Variants in LINC00632 observed in about 807,000 individuals in gnomAD.
The protein encoded by LINC00632 is ALDOA related specific transcript.
At chrX:140,719,488 T>G (rs1035017865) in intron 2 of LINC00632, among the ~76,000 whole-genome samples, 3 of 109,405 alleles carry the variant, frequency 2.7e-5, no homozygotes, top group African/African-American at 1.0e-4. Context: ...TAGTAGAGAC[T>G]AGGTTTCATT....
chrX:140,753,520 G>A (rs1467737804), intron 3 of LINC00632, among the ~76,000 whole-genome samples: 2 of 110,662 alleles, frequency 1.8e-5, no homozygotes, highest in Non-Finnish European at 3.8e-5. Flanking sequence ...GTCTAGTACC[G>A]AGGATGTGCT....
chrX:140,773,651 T>C (rs1180206999), exon 4 of LINC00632, among the ~76,000 whole-genome samples: 1 of 112,040 alleles, frequency 8.9e-6, no homozygotes, highest in Admixed American at 9.5e-5. Context: ...TTAAATAACA[T>C]TTAAATGAAA....
exon 4 of LINC00632, chrX:140,772,127 T>C (rs1257644757): frequency 1.7e-5 from 5 of 293,186 alleles, no homozygotes; most frequent in Non-Finnish European, 3.0e-5. Flanking sequence ...ACTCCTGAGT[T>C]CCACGATCGC....
chrX:140,770,882 A>G (rs1931777617), intron 3 of LINC00632, among the ~76,000 whole-genome samples: 1 of 112,187 alleles, frequency 8.9e-6, no homozygotes, highest in African/African-American at 3.2e-5. Context: ...AGACAACAAA[A>G]TAGATAGTAA....
exon 5 of LINC00632, among the ~76,000 whole-genome samples, chrX:140,775,864 G>A (rs1459583038): frequency 1.1e-4 from 12 of 110,859 alleles, no homozygotes; most frequent in African/African-American, 3.9e-4. Context: ...TTTGGCATGA[G>A]GGAGTCCAGT....
At chrX:140,743,361 T>G (rs1291898856) in intron 3 of LINC00632, among the ~76,000 whole-genome samples, 3 of 107,973 alleles carry the variant, frequency 2.8e-5, no homozygotes, top group African/African-American at 1.0e-4. Context: ...TAACAGGAAG[T>G]TTTGACAAAC....
chrX:140,785,182 AAT>A (rs1336279740), exon 5 of LINC00632, among the ~76,000 whole-genome samples: 1 of 103,969 alleles, frequency 9.6e-6, no homozygotes, highest in African/African-American at 3.6e-5. Flanking sequence ...GAATAATAAT[AAT>A]ATAATAATAA....
chrX:140,759,289 TTTCC>T (rs796485491), intron 3 of LINC00632, among the ~76,000 whole-genome samples: 11,594 of 79,172 alleles, frequency 0.15, 961 homozygotes, highest in East Asian at 0.22. Flanking sequence ...TCTTTCTTTC[TTTCC>T]TTCCTTCCTT....
chrX:140,712,675 G>GT (rs1242826935), intron 2 of LINC00632, among the ~76,000 whole-genome samples: 3 of 110,770 alleles, frequency 2.7e-5, no homozygotes, highest in African/African-American at 9.9e-5. Flanking sequence ...CACTGCAGGT[G>GT]TAAGGCTCAA....
chrX:140,785,045 G>A (rs185576123), exon 5 of LINC00632, among the ~76,000 whole-genome samples: 11 of 111,043 alleles, frequency 9.9e-5, no homozygotes, highest in African/African-American at 3.6e-4. Context: ...TTAGGTCTAA[G>A]TGAAATTTTT....
At chrX:140,775,770 C>T (rs1161963015) in exon 5 of LINC00632, among the ~76,000 whole-genome samples, 4 of 110,965 alleles carry the variant, frequency 3.6e-5, no homozygotes, top group African/African-American at 9.9e-5. Context: ...ATGCTTTAAA[C>T]AGCTGTGTCA....
chrX:140,742,877 G>GAGGA (rs1556023997), intron 3 of LINC00632, among the ~76,000 whole-genome samples: 67 of 94,402 alleles, frequency 7.1e-4, no homozygotes, highest in East Asian at 1.6e-3. Flanking sequence ...GAGAGAGAGA[G>GAGGA]AGGAAGGAAG....
chrX:140,788,779 ATATATG>A (rs1371841025), exon 5 of LINC00632, among the ~76,000 whole-genome samples: 12 of 105,190 alleles, frequency 1.1e-4, no homozygotes, highest in African/African-American at 3.8e-4. Flanking sequence ...ATATATGTGT[ATATATG>A]TATATTCCAT....
chrX:140,713,761 A>T (rs914153608), intron 2 of LINC00632: 6 of 337,935 alleles, frequency 1.8e-5, no homozygotes, highest in Non-Finnish European at 3.5e-5. Flanking sequence ...AGACTCTCCC[A>T]GAGGCACGTA....
At chrX:140,735,176 T>C (rs1410787765) in intron 3 of LINC00632, among the ~76,000 whole-genome samples, 3 of 112,012 alleles carry the variant, frequency 2.7e-5, no homozygotes, top group Non-Finnish European at 5.6e-5. Context: ...CTGTCCTTCA[T>C]TTTTATAGAT....
At chrX:140,727,513 G>GTTTT (rs1930983175) in intron 2 of LINC00632, among the ~76,000 whole-genome samples, 1 of 111,124 alleles carries the variant, frequency 9.0e-6, no homozygotes, top group African/African-American at 3.3e-5. Flanking sequence ...GGCTGGTCTG[G>GTTTT]AACTCCTGAC....
At chrX:140,713,358 G>C (rs1457189869) in intron 2 of LINC00632, among the ~76,000 whole-genome samples, 2 of 110,699 alleles carry the variant, frequency 1.8e-5, no homozygotes, top group African/African-American at 6.6e-5. Context: ...AGACTGCCTG[G>C]TTTCAGACCT....
intron 3 of LINC00632, among the ~76,000 whole-genome samples, chrX:140,741,170 T>C (rs1234127006): frequency 8.9e-6 from 1 of 112,222 alleles, no homozygotes; most frequent in African/African-American, 3.2e-5. Context: ...TGAAAGTACA[T>C]TGTGACCTGC....
intron 2 of LINC00632, among the ~76,000 whole-genome samples, chrX:140,717,747 TC>T (rs1330232027): frequency 1.8e-5 from 2 of 111,638 alleles, no homozygotes; most frequent in Admixed American, 1.9e-4. Context: ...TTGTGTGACC[TC>T]GGAAAGGTTT....
Sources: gnomAD v4.1 joint callset for allele counts (sites outside exome capture counted in the v4.1 genomes callset) on GRCh38, gnomAD v4.1.1 for gene constraint, MANE v1.5 for transcripts, NCBI Gene and HGNC (gene_info 2026-07-23, HGNC 2026-07-21) for gene names.